The following ADD1 variants were observed in gnomAD, a reference collection of about 807,000 sequenced individuals.
ADD1 encodes the protein adducin 1.
ADD1 carries 24 observed loss-of-function variants against 80.5 expected under a neutral mutation model. The ratio of observed to expected loss-of-function variants is 0.30; its 90% CI spans 0.22 to 0.42. The LOEUF (loss-of-function observed/expected upper bound fraction) is 0.42. Ranked by LOEUF, ADD1 falls within the 10% of genes least tolerant of loss-of-function variation. The probability of loss-of-function intolerance (pLI) is 1.00; values close to 1 mark genes in which losing one functional copy is unlikely to be tolerated. For synonymous variants in ADD1, 373 were observed against 393.8 expected, an observed-to-expected ratio of 0.95 and a Z score of 0.63; for missense variants, 948 against 1,019.0, an observed-to-expected ratio of 0.93 and a Z score of 0.95.
chr4:2,893,913 C>T lies in ADD1; in HGVS notation c.511-100C>T, dbSNP rs754622120. ...TGTGCATGGACGCTTCCCTGCATAGCTCACTCAGTGTTCTGAACAAACCCG... is the reference window on the plus strand; with the variant it reads ...TGTGCATGGACGCTTCCCTGCATAGTTCACTCAGTGTTCTGAACAAACCCG... On this transcript the variant is annotated intron_variant, in intron 4 of 15. Coordinates refer to ENST00000683351, the MANE Select transcript of ADD1 (RefSeq NM_001354761.2). 5.8e-5 allele frequency: 62 copies of T among 1,065,738 alleles called. 1 individual carries two copies. The Middle Eastern group carries it at 4.4e-3, about 75-fold the overall frequency. The allele number at this position is 1,065,738 out of a possible 1,614,324, so 66.0% of individuals were successfully genotyped here.
intron 10 of ADD1, 105 bp from the exon 11 acceptor site, chr4:2,907,638 T>C (rs1737282179): frequency 8.3e-6 from 8 of 959,728 alleles, no homozygotes; most frequent in Non-Finnish European, 1.3e-5. Flanking sequence ...GTCCTCTCTG[T>C]GATGTTCAGT....
intron 13 of ADD1, 114 bp from the exon 14 acceptor site, chr4:2,914,770 G>T: frequency 2.4e-6 from 3 of 1,245,902 alleles, no homozygotes; most frequent in East Asian, 2.4e-5. Flanking sequence ...CAGTCTCAGG[G>T]GTCTCTGCTC....
chr4:2,880,493 T>G (rs1732104596), intron 2 of ADD1, among the ~76,000 whole-genome samples: 1 of 122,186 alleles, frequency 8.2e-6, no homozygotes, highest in Non-Finnish European at 1.7e-5. Context: ...TTTTTTTTTT[T>G]GAGACGGAGT....
At chr4:2,852,278 CTTCTTTTCTT>C (rs58878174) in intron 1 of ADD1, among the ~76,000 whole-genome samples, 3,737 of 111,134 alleles carry the variant, frequency 0.034, 164 homozygotes, top group African/African-American at 0.084. Context: ...TCCTTCCTTC[CTTCTTTTCTT>C]TTCTTTTCTT....
chr4:2,918,158 T>C (rs1329398998), intron 14 of ADD1, among the ~76,000 whole-genome samples: 1 of 152,222 alleles, frequency 6.6e-6, no homozygotes, highest in Non-Finnish European at 1.5e-5. Flanking sequence ...TCCATGAGCA[T>C]GGAATGTTTT....
At chr4:2,879,684 G>A (rs533530071) in intron 2 of ADD1, among the ~76,000 whole-genome samples, 3 of 151,818 alleles carry the variant, frequency 2.0e-5, no homozygotes, top group Non-Finnish European at 2.9e-5. Context: ...GTGCAGTGGC[G>A]TGATCTCGGC....
At chr4:2,899,457 G>A in intron 9 of ADD1, 22 bp downstream of exon 9, 1 of 1,613,912 alleles carries the variant, frequency 6.2e-7, no homozygotes, top group Non-Finnish European at 8.5e-7. Context: ...GCCACCACTT[G>A]ATGATAAACC....
At chr4:2,867,704 G>A (rs971269380) in intron 1 of ADD1, among the ~76,000 whole-genome samples, 4 of 152,208 alleles carry the variant, frequency 2.6e-5, no homozygotes, top group Non-Finnish European at 4.4e-5. Context: ...GAAGCAAGAG[G>A]ACCCACTTGA....
At chr4:2,876,147 C>T in intron 2 of ADD1, 37 bp downstream of exon 2, 2 of 1,575,056 alleles carry the variant, frequency 1.3e-6, no homozygotes, top group East Asian at 4.5e-5. Context: ...CAGATGTCAT[C>T]TTTCCTTTTC....
chr4:2,884,906 G>C (rs1318746389), intron 4 of ADD1, among the ~76,000 whole-genome samples: 1 of 152,148 alleles, frequency 6.6e-6, no homozygotes, highest in East Asian at 1.9e-4. Flanking sequence ...AAACAACTAA[G>C]TGTTTACCAG....
chr4:2,896,759 G>A (rs1344780287), intron 6 of ADD1, among the ~76,000 whole-genome samples: 1 of 151,946 alleles, frequency 6.6e-6, no homozygotes, highest in Non-Finnish European at 1.5e-5. Flanking sequence ...CACGTAACGT[G>A]TTTTTGTTTG....
intron 10 of ADD1, among the ~76,000 whole-genome samples, chr4:2,906,600 G>C (rs937179739): frequency 6.6e-6 from 1 of 152,204 alleles, no homozygotes; most frequent in South Asian, 2.1e-4. Context: ...GTTTCTTACT[G>C]TTCTGGAGTG....
intron 14 of ADD1, among the ~76,000 whole-genome samples, chr4:2,919,129 G>A (rs930993511): frequency 3.9e-5 from 6 of 152,210 alleles, no homozygotes; most frequent in South Asian, 2.1e-4. Context: ...GTGAGCCACC[G>A]CACCTGGTTG....
At chr4:2,889,201 A>G (rs1733897746) in intron 4 of ADD1, among the ~76,000 whole-genome samples, 3 of 152,180 alleles carry the variant, frequency 2.0e-5, no homozygotes, top group Admixed American at 1.3e-4. Flanking sequence ...ATTGAAACAG[A>G]CATGCTGTAG....
intron 1 of ADD1, among the ~76,000 whole-genome samples, chr4:2,857,949 T>A (rs1045199652): frequency 6.6e-6 from 1 of 152,252 alleles, no homozygotes; most frequent in Non-Finnish European, 1.5e-5. Flanking sequence ...GCTTTTTTTT[T>A]ATTTTAGTAA....
chr4:2,856,278 A>C (rs1263412), intron 1 of ADD1, among the ~76,000 whole-genome samples: 2 of 151,884 alleles, frequency 1.3e-5, no homozygotes, highest in Non-Finnish European at 2.9e-5. Context: ...GAGTTATCCT[A>C]CTGCTCTCTA....
rs34189603 is a variant in ADD1, at chr4:2,929,630, T to G, written c.*1107T>G. Reference sequence around the variant, plus strand: ...CCAGCCTGACTAGGTACAGGCAAGCTTGTGTGGGCCCAACAGGCCCTTGGT... The same window carrying G: ...CCAGCCTGACTAGGTACAGGCAAGCGTGTGTGGGCCCAACAGGCCCTTGGT... On this transcript the variant is annotated 3_prime_UTR_variant, in exon 16 of 16. Transcript: ENST00000683351. 8 of 152,284 alleles carry G rather than the reference T, an allele frequency of 5.3e-5. No homozygotes were observed. The highest frequency in any genetic ancestry group is 8.8e-5 in the Non-Finnish European group (6 of 68,056). The allele number at this position is 152,284 out of a possible 1,614,324, so 9.4% of individuals were successfully genotyped here. A position where few individuals can be genotyped will look rare whatever the true frequency, so the allele number is the denominator to read the frequency against.
At chr4:2,918,093 A>G (rs746105095) in intron 14 of ADD1, among the ~76,000 whole-genome samples, 4 of 152,206 alleles carry the variant, frequency 2.6e-5, no homozygotes, top group Non-Finnish European at 5.9e-5. Flanking sequence ...CATAGCATTG[A>G]ATCTATAAAT....
At chr4:2,908,670 T>C (rs1376667314) in intron 12 of ADD1, 66 bp downstream of exon 12, 20 of 1,343,222 alleles carry the variant, frequency 1.5e-5, no homozygotes, top group Non-Finnish European at 2.0e-5. Context: ...TCCAAAGTTA[T>C]TCTGAAATTG....
Sources: allele counts gnomAD v4.1 joint callset (sites outside exome capture counted in the v4.1 genomes callset), GRCh38; gene constraint gnomAD v4.1.1; transcripts MANE v1.5; gene names NCBI Gene and HGNC (gene_info 2026-07-23, HGNC 2026-07-21).